The following MEGF6 variants were observed in gnomAD, a reference collection of about 807,000 sequenced individuals.
MEGF6 encodes multiple EGF like domains 6.
Under a neutral mutation model 207.1 loss-of-function variants are expected in MEGF6, and 184 were observed. That is an observed-to-expected ratio of 0.89 (90% CI 0.79 to 1.00). The LOEUF is 1.00. MEGF6 is among the 50% of genes least tolerant of loss of function. The probability of loss-of-function intolerance (pLI) is 0.00; values close to 1 mark genes in which losing one functional copy is unlikely to be tolerated. For synonymous variants in MEGF6, 1,038 were observed against 910.0 expected (o/e 1.14, Z -2.53); for missense variants, 2,282 against 2,202.9 (o/e 1.04, Z -0.72).
intron 5 of MEGF6, among the ~76,000 whole-genome samples, chr1:3,521,063 G>A (rs1641728576): frequency 1.3e-5 from 2 of 152,168 alleles, no homozygotes; most frequent in Non-Finnish European, 2.9e-5. Flanking sequence ...CCTCAAGCCC[G>A]TGGGGGCATG....
At chr1:3,609,617 G>A (rs1644298684) in intron 1 of MEGF6, among the ~76,000 whole-genome samples, 1 of 152,258 alleles carries the variant, frequency 6.6e-6, no homozygotes, top group South Asian at 2.1e-4. Context: ...GGGAGAGGAG[G>A]GGAGGCTTGG....
At chr1:3,522,529 C>T (rs1195352339) in intron 5 of MEGF6, among the ~76,000 whole-genome samples, 2 of 148,846 alleles carry the variant, frequency 1.3e-5, no homozygotes, top group South Asian at 2.2e-4. Context: ...ATCCCCAGGA[C>T]GGCCTCCTGG....
intron 5 of MEGF6, among the ~76,000 whole-genome samples, chr1:3,523,193 G>A (rs536575587): frequency 4.6e-5 from 7 of 152,276 alleles, no homozygotes; most frequent in African/African-American, 2.4e-5. Flanking sequence ...AAGAAGGGGC[G>A]TCCTGACGCC....
chr1:3,602,377 T>A lies in MEGF6; in HGVS notation c.266+89A>T. The A allele has an allele frequency of 1.9e-6, 3 of 1,571,268 alleles. No homozygotes were observed. The Admixed American group carries it at 5.3e-5, about 28-fold the overall frequency. ...GTGTGGCCCTGAGACCAGGACGGGG[T>A]CCTGGCCTCAGCTGCCCAGCTCCCG... On this transcript the variant is annotated intron_variant, in intron 2 of 36. Transcript: ENST00000356575.
intron 4 of MEGF6, among the ~76,000 whole-genome samples, chr1:3,547,548 C>A (rs1340426216): frequency 6.6e-6 from 1 of 152,140 alleles, no homozygotes; most frequent in Non-Finnish European, 1.5e-5. Flanking sequence ...GGCTCTGAGG[C>A]CAGGAGGAGT....
chr1:3,609,096 A>T (rs1644292307), intron 1 of MEGF6, among the ~76,000 whole-genome samples: 1 of 152,184 alleles, frequency 6.6e-6, no homozygotes, highest in South Asian at 2.1e-4. Flanking sequence ...CTGCCTGCTC[A>T]TCAGATTCCC....
At chr1:3,622,692 G>A in the MEGF6 span, among the ~76,000 whole-genome samples, 5 of 152,172 alleles carry the variant, frequency 3.3e-5, no homozygotes, top group South Asian at 2.1e-4. Context: ...CAAGACATGC[G>A]TCAACCCTCA....
intron 4 of MEGF6, among the ~76,000 whole-genome samples, chr1:3,574,805 G>C (rs1309519438): frequency 6.6e-6 from 1 of 152,122 alleles, no homozygotes; most frequent in Non-Finnish European, 1.5e-5. Context: ...ACCACACCTG[G>C]CTAATTTTTG....
chr1:3,609,677 C>T (rs34222941), intron 1 of MEGF6, among the ~76,000 whole-genome samples: 36,633 of 152,172 alleles, frequency 0.24, 4,779 homozygotes, highest in East Asian at 0.44. Flanking sequence ...ATTTCCACCA[C>T]TTCAAACAGC....
At chr1:3,542,206 C>T (rs778285922) in intron 4 of MEGF6, among the ~76,000 whole-genome samples, 1 of 152,206 alleles carries the variant, frequency 6.6e-6, no homozygotes, top group Non-Finnish European at 1.5e-5. Flanking sequence ...AGGCAGCCCT[C>T]GGGCCTGGAT....
intron 6 of MEGF6, among the ~76,000 whole-genome samples, chr1:3,514,997 A>G (rs893855144): frequency 6.6e-6 from 1 of 152,276 alleles, no homozygotes; most frequent in African/African-American, 2.4e-5. Flanking sequence ...CAGCCCCTTC[A>G]TGCCCACACT....
At position 3,560,780 on chromosome 1, in the gene MEGF6, C is replaced by G; in HGVS notation, c.481+19045G>C. 1 of 473,852 alleles carries G rather than the reference C, an allele frequency of 2.1e-6. No individual in the cohort carries two copies. Among genetic ancestry groups the G allele is most frequent in the Non-Finnish European group, 4.4e-6 (1 of 228,674 alleles). 29.4% of individuals were successfully genotyped at this position (473,852 alleles called of 1,614,324 possible). A position where few individuals can be genotyped will look rare whatever the true frequency, so the allele number is the denominator to read the frequency against. On this transcript the variant is annotated intron_variant, in intron 4 of 36. Coordinates refer to ENST00000356575, the MANE Select transcript of MEGF6 (RefSeq NM_001409.4). The surrounding 1 kb of genome is among the most constrained non-coding windows in gnomAD (Gnocchi z 4.0). ...CCCACTCTGGATTTCCAGGGTCACC[C>G]GGCAGTCCCCTCTGGCAGCCACCGG...
At chr1:3,534,791 G>A (rs934408818) in intron 4 of MEGF6, among the ~76,000 whole-genome samples, 11 of 152,230 alleles carry the variant, frequency 7.2e-5, no homozygotes, top group Non-Finnish European at 8.8e-5. Flanking sequence ...GCCAGGGACC[G>A]GAGCCCTGGC....
the MEGF6 span, among the ~76,000 whole-genome samples, chr1:3,621,680 G>C: frequency 2.6e-5 from 4 of 152,142 alleles, no homozygotes; most frequent in East Asian, 7.7e-4. Flanking sequence ...GGGGGACACT[G>C]TCCTCCAGAC....
rs1341908967 is a variant in MEGF6 at position 3,565,430 on chromosome 1, C to A, written c.481+14395G>T. ...GCCACCAGGGGGTGCCAGCGCCCCA[C>A]CCTGAGCACGCGGCAAGAAGGGAGG... On this transcript the variant is annotated intron_variant, in intron 4 of 36. Coordinates refer to ENST00000356575, the MANE Select transcript of MEGF6 (RefSeq NM_001409.4). The surrounding 1 kb of genome is among the most constrained non-coding windows in gnomAD (Gnocchi z 4.8). Among the ~76,000 whole-genome samples, 1 of 152,208 alleles carries A rather than the reference C, an allele frequency of 6.6e-6. No individual in the cohort carries two copies. Among genetic ancestry groups the A allele is most frequent in the East Asian group, 1.9e-4 (1 of 5,176 alleles).
At position 3,560,658 on chromosome 1, in the gene MEGF6, G is replaced by T. The variant is rs1202263416; in HGVS notation, c.481+19167C>A. 2.2e-6 allele frequency: 1 copy of T among 446,930 alleles called. No individual in the cohort carries two copies. The highest frequency in any genetic ancestry group is 4.7e-6 in the Non-Finnish European group (1 of 211,414). The allele number at this position is 446,930 out of a possible 1,614,324, so 27.7% of individuals were successfully genotyped here. ...ATCCGGGGTCCCTTCCCAGGCTTGG[G>T]GGAGGCTGGGTGCCATCAACCCCTC... On this transcript the variant is annotated intron_variant, in intron 4 of 36. Transcript: ENST00000356575. This position sits in a 1 kb window ranked among gnomAD's most constrained non-coding sequence, Gnocchi z 4.0.
Position 3,565,369 on chromosome 1 carries a change from C to A in MEGF6, c.481+14456G>T, listed in dbSNP as rs142016601. ...TTCCCTTCCTAGCTGGACCTTAAAACCCCCCGGGTCCTGGTGCCTGCTCTG... is the reference window on the plus strand; with the variant it reads ...TTCCCTTCCTAGCTGGACCTTAAAAACCCCCGGGTCCTGGTGCCTGCTCTG... On this transcript the variant is annotated intron_variant, in intron 4 of 36. Coordinates refer to ENST00000356575, the MANE Select transcript of MEGF6 (RefSeq NM_001409.4). The surrounding 1 kb of genome is among the most constrained non-coding windows in gnomAD (Gnocchi z 4.8). 4.1e-3 allele frequency among the ~76,000 whole-genome samples: 620 copies of A among 151,738 alleles called. 3 individuals carry two copies. The highest frequency in any genetic ancestry group is 0.014 in the African/African-American group (568 of 41,042).
chr1:3,568,875 G>A (rs1393219631), intron 4 of MEGF6, among the ~76,000 whole-genome samples: 2 of 152,122 alleles, frequency 1.3e-5, no homozygotes, highest in African/African-American at 4.8e-5. Context: ...TGTTCACAGG[G>A]TGCAGGTCTG....
intron 3 of MEGF6, among the ~76,000 whole-genome samples, chr1:3,591,923 C>T (rs75229272): frequency 6.7e-6 from 1 of 150,022 alleles, no homozygotes; most frequent in African/African-American, 2.5e-5. Flanking sequence ...AGCTCACAAG[C>T]GACCTGGAGG....
Sources: gnomAD v4.1 joint callset for allele counts (sites outside exome capture counted in the v4.1 genomes callset) on GRCh38, gnomAD v4.1.1 for gene constraint, Gnocchi (gnomAD v3.1) non-coding constraint, MANE v1.5 for transcripts, NCBI Gene and HGNC (gene_info 2026-07-23, HGNC 2026-07-21) for gene names.